Variants in ITGA3 observed in about 807,000 individuals in gnomAD.
ITGA3 encodes the protein integrin subunit alpha 3.
A neutral mutation model predicts 131.1 loss-of-function variants in ITGA3; 70 were observed. The ratio of observed to expected loss-of-function variants is 0.53; its 90% CI spans 0.44 to 0.65. ITGA3 has a LOEUF of 0.65. ITGA3 is among the 30% of genes least tolerant of loss of function. ITGA3 has a pLI of 0.00. For synonymous variants in ITGA3, 537 were observed against 571.6 expected (o/e 0.94, Z 0.86); for missense variants, 1,098 against 1,388.6 (o/e 0.79, Z 3.33).
chr17:50,075,742 G>A lies in ITGA3; in HGVS notation c.1674+7G>A, dbSNP rs2144292727. On this transcript the variant is annotated splice_region_variant and intron_variant, in intron 12 of 25. Coordinates refer to ENST00000320031, the MANE Select transcript of ITGA3 (RefSeq NM_002204.4). Reference sequence around the variant, plus strand: ...GCTGGAGCTGCTCCTGATGGTGAGGGAGGAGCAAGGGTCAGGATGAGGGCT... The same window carrying A: ...GCTGGAGCTGCTCCTGATGGTGAGGAAGGAGCAAGGGTCAGGATGAGGGCT... The A allele has an allele frequency of 6.2e-7, 1 of 1,613,842 alleles. No homozygotes were observed. The highest frequency in any genetic ancestry group is 2.2e-5 in the East Asian group (1 of 44,878).
Position 50,056,496 on chromosome 17 carries a change from C to G in ITGA3, c.57C>G (p.Leu19=). Residue 19 remains leucine, a synonymous_variant, in exon 1 of 26, where the codon CTC becomes CTG. Transcript: ENST00000320031. This position sits in a 1 kb window ranked among gnomAD's most constrained non-coding sequence, Gnocchi z 5.6. ...PRAPRLMLCA[L]ALMVAAGGCV... ...CCCCACGCCTGATGCTCTGTGCGCT[C>G]GCCTTGATGGTGGCGGCCGGCGGCT... 6.5e-7 allele frequency: 1 copy of G among 1,549,882 alleles called. No homozygotes were observed. The highest frequency in any genetic ancestry group is 8.7e-7 in the Non-Finnish European group (1 of 1,146,916).
chr17:50,057,298 C>T (rs1907876540), intron 1 of ITGA3, among the ~76,000 whole-genome samples: 2 of 152,232 alleles, frequency 1.3e-5, no homozygotes, highest in South Asian at 4.1e-4. Context: ...CAGTGGCACT[C>T]TCCCCGCAGA....
At chr17:50,078,998 AG>A (rs34900451) in intron 19 of ITGA3, 72 bp downstream of exon 19, 1 of 1,518,464 alleles carries the variant, frequency 6.6e-7, no homozygotes, top group Non-Finnish European at 9.1e-7. Context: ...TGGGGTCTGA[AG>A]GTGGGAGGGT....
Position 50,089,738 on chromosome 17 carries a change from G to A in ITGA3, c.*660G>A, listed in dbSNP as rs951552257. 46 of 171,130 alleles carry A rather than the reference G, an allele frequency of 2.7e-4. 1 individual carries two copies. Among genetic ancestry groups the A allele is most frequent in the Non-Finnish European group, 7.7e-5 (6 of 78,250 alleles). The allele number at this position is 171,130 out of a possible 1,614,324, so 10.6% of individuals were successfully genotyped here. ...ACTGACAGGGAGCAGCCCCCGGGCC[G>A]CTGGCTGGTGGGCCCCCAATGACAC... On this transcript the variant is annotated 3_prime_UTR_variant, in exon 26 of 26. Coordinates refer to ENST00000320031, the MANE Select transcript of ITGA3 (RefSeq NM_002204.4).
chr17:50,076,537 G>T lies in ITGA3; in HGVS notation c.1825-47G>T, dbSNP rs573176014. 1.2e-4 allele frequency: 185 copies of T among 1,559,426 alleles called. 2 individuals carry two copies. The East Asian group carries it at 4.1e-3, about 35-fold the overall frequency. ...GCCAGAAGGGCGGTGGGGCGAGAGG[G>T]CACTGGGGGGGGTGGTGCGGCCTTC... On this transcript the variant is annotated intron_variant, in intron 13 of 25. Transcript: ENST00000320031.
rs1314882339 is a variant in ITGA3 at position 50,064,997 on chromosome 17, G to C, written c.414+390G>C. 5.8e-6 allele frequency: 1 copy of C among 172,072 alleles called. No individual in the cohort carries two copies. The highest frequency in any genetic ancestry group is 1.2e-5 in the Non-Finnish European group (1 of 81,428). 10.7% of individuals were successfully genotyped at this position (172,072 alleles called of 1,614,324 possible). A position where few individuals can be genotyped will look rare whatever the true frequency, so the allele number is the denominator to read the frequency against. On this transcript the variant is annotated intron_variant, in intron 3 of 25. Transcript: ENST00000320031. The surrounding 1 kb of genome is among the most constrained non-coding windows in gnomAD (Gnocchi z 4.4). ...GAGGCTGACTGCCGGAAGAGGCCCA[G>C]CCCTGCTGACCCCGGCTCACCCAGC...
At chr17:50,071,550 G>A in intron 6 of ITGA3, 32 bp downstream of exon 6, 1 of 1,562,472 alleles carries the variant, frequency 6.4e-7, no homozygotes, top group African/African-American at 1.3e-5. Flanking sequence ...CTGGGGCCAG[G>A]GAGAGCGATG....
At chr17:50,073,240 G>A (rs1406496906) in intron 7 of ITGA3, among the ~76,000 whole-genome samples, 1 of 152,304 alleles carries the variant, frequency 6.6e-6, no homozygotes, top group East Asian at 1.9e-4. Flanking sequence ...TGATTAGAAT[G>A]TAAAAAGCCT....
In ITGA3 at chr17:50,056,720, G is replaced by C; in HGVS notation, c.206+75G>C. On this transcript the variant is annotated intron_variant, in intron 1 of 25. Transcript: ENST00000320031. This position sits in a 1 kb window ranked among gnomAD's most constrained non-coding sequence, Gnocchi z 5.6. ...CGGGATGCGGGTCCGGAGCTGAGTC[G>C]GAGCCCAGGGCAGCTGGCCCTTGGG... 3.5e-6 allele frequency: 5 copies of C among 1,436,798 alleles called. No individual in the cohort carries two copies. The highest frequency in any genetic ancestry group is 4.1e-5 in the Admixed American group (2 of 48,932). The allele number at this position is 1,436,798 out of a possible 1,614,324, so 89.0% of individuals were successfully genotyped here.
intron 16 of ITGA3, 119 bp from the exon 17 acceptor site, chr17:50,077,927 A>T: frequency 1.3e-6 from 1 of 749,952 alleles, no homozygotes; most frequent in Admixed American, 2.2e-5. Context: ...CACCCAGAAT[A>T]GGAGGAGGAG....
chr17:50,066,540 T>C (rs1908356270), intron 3 of ITGA3, among the ~76,000 whole-genome samples: 1 of 152,056 alleles, frequency 6.6e-6, no homozygotes, highest in Admixed American at 6.5e-5. Flanking sequence ...TCCTTTGGGA[T>C]GAGGCAGGAG....
Position 50,070,865 on chromosome 17 carries a change from G to T in ITGA3, c.686G>T (p.Arg229Leu), listed in dbSNP as rs140829923. 23 of 1,611,706 alleles carry T rather than the reference G, an allele frequency of 1.4e-5. No homozygotes were observed. Among genetic ancestry groups the T allele is most frequent in the Non-Finnish European group, 2.0e-5 (23 of 1,178,202 alleles). ...GAAGGAAACAGCTACATGATTCAGC[G>T]CAAGGAGTGGGACTTATCTGAGTAT... ...NWKGNSYMIQ[R>L]KEWDLSEYSY... is the part of the protein sequence containing the mutation. The change falls in exon 5 of 26, where the codon CGC (arginine) becomes CTC (leucine). Residue 229 changes from arginine (R) to leucine (L), a missense_variant. This residue lies in a region of ITGA3 where 356 missense variants were observed against 529.2 expected (regional missense o/e 0.67). Coordinates refer to ENST00000320031, the MANE Select transcript of ITGA3 (RefSeq NM_002204.4).
Position 50,076,694 on chromosome 17 carries a change from C to T in ITGA3, c.1922+13C>T, listed in dbSNP as rs1908921867. ...AGAAGCTGAGCAGGTGGCTGTGGGC[C>T]GCCGGCCGCGTTAATCGGCCAAGGG... is the stretch of plus-strand genomic sequence containing the variant. On this transcript the variant is annotated intron_variant, in intron 14 of 25. Coordinates refer to ENST00000320031, the MANE Select transcript of ITGA3 (RefSeq NM_002204.4). 1 of 1,606,162 alleles carries T rather than the reference C, an allele frequency of 6.2e-7. No homozygotes were observed. The highest frequency in any genetic ancestry group is 1.1e-5 in the South Asian group (1 of 90,938).
chr17:50,074,266 C>T lies in ITGA3; in HGVS notation c.1368C>T (p.His456=), dbSNP rs1278163124. The stretch of plus-strand genomic sequence containing the variant: ...TTCTAGTGGGAAGCCTGTCAGACCA[C>T]ATTGTGCTGCTGCGGTGAGCCAGGA... ...PDLLVGSLSD[H]IVLLRARPVI... Residue 456 remains histidine (H), a synonymous_variant, in exon 9 of 26, where the codon CAC becomes CAT. Coordinates refer to ENST00000320031, the MANE Select transcript of ITGA3 (RefSeq NM_002204.4). The T allele has an allele frequency of 6.2e-7, 1 of 1,614,140 alleles. No individual in the cohort carries two copies. The highest frequency in any genetic ancestry group is 8.5e-7 in the Non-Finnish European group (1 of 1,179,970).
intron 23 of ITGA3, among the ~76,000 whole-genome samples, chr17:50,084,230 CAAAAAAAAAA>C (rs61103198): frequency 1.1e-4 from 3 of 26,982 alleles, no homozygotes; most frequent in Non-Finnish European, 2.3e-4. Flanking sequence ...GACTCTGTCT[CAAAAAAAAAA>C]AAAAAAAAAA....
intron 1 of ITGA3, among the ~76,000 whole-genome samples, chr17:50,060,680 C>G (rs1407092252): frequency 1.3e-5 from 2 of 152,074 alleles, no homozygotes; most frequent in African/African-American, 4.8e-5. Context: ...CTCTGCTCCC[C>G]CCAGTCCAGC....
At position 50,077,003 on chromosome 17, in the gene ITGA3, T is replaced by G; in HGVS notation, c.1952T>G (p.Leu651Trp). The change falls in exon 15 of 26, where the codon TTG becomes TGG. Residue 651 changes from leucine to tryptophan, a missense_variant. Leu to Trp is a moderately conservative substitution (Grantham distance 61). Around this residue, in one of 3 missense-constraint regions of ITGA3, gnomAD observed 699 missense variants for 829.2 expected, o/e 0.84. Transcript: ENST00000320031. Reference sequence around the variant, plus strand: ...CAGTACAGCAGAGACGTCCGGAAATTGCTCCTGAGCATCAACGTGACGAAC... The same window carrying G: ...CAGTACAGCAGAGACGTCCGGAAATGGCTCCTGAGCATCAACGTGACGAAC... ...RLQYSRDVRK[L>W]LLSINVTNTR... 1 of 1,611,010 alleles carries G rather than the reference T, an allele frequency of 6.2e-7. No individual in the cohort carries two copies. The highest frequency in any genetic ancestry group is 8.5e-7 in the Non-Finnish European group (1 of 1,178,210).
intron 22 of ITGA3, 30 bp from the exon 23 acceptor site, chr17:50,081,280 T>A: frequency 7.1e-7 from 1 of 1,404,436 alleles, no homozygotes. Context: ...TGTCAAGTGT[T>A]CCCCTTGACC....
rs1271141717 is a variant in ITGA3 at position 50,090,254 on chromosome 17, C to A, written c.*1176C>A. ...GGAGTTCTTAGCTATCCTTGGCTTT[C>A]AGAGCCAGCCTGGCTCTGCCCCCTC... On this transcript the variant is annotated 3_prime_UTR_variant, in exon 26 of 26. Transcript: ENST00000320031. The A allele has an allele frequency of 1.1e-5, 5 of 456,554 alleles. No individual in the cohort carries two copies. Among genetic ancestry groups the A allele is most frequent in the South Asian group, 7.7e-5 (5 of 64,568 alleles). 28.3% of individuals were successfully genotyped at this position (456,554 alleles called of 1,614,324 possible).
Sources: gnomAD v4.1 joint callset for allele counts (sites outside exome capture counted in the v4.1 genomes callset) on GRCh38, gnomAD v4.1.1 for gene constraint, gnomAD v4.1.1 regional missense constraint, Gnocchi (gnomAD v3.1) non-coding constraint, MANE v1.5 for transcripts, NCBI Gene and HGNC (gene_info 2026-07-23, HGNC 2026-07-21) for gene names.